The following FREM1 variants were observed in gnomAD, a reference collection of about 807,000 sequenced individuals.
The protein encoded by FREM1 is FRAS1 related extracellular matrix 1, also known as FRAS1-related extracellular matrix protein 1.
In FREM1, 220 loss-of-function variants were observed where a neutral mutation model predicts 210.1. The ratio of observed to expected loss-of-function variants is 1.05; its 90% CI spans 0.94 to 1.17. The LOEUF is 1.17. FREM1 is among the 50% of genes most tolerant of loss of function. The probability of loss-of-function intolerance (pLI) is 0.00; values close to 1 mark genes in which losing one functional copy is unlikely to be tolerated. For missense variants in FREM1, 3,454 were observed against 2,675.5 expected, an observed-to-expected ratio of 1.29 and a Z score of -6.42; for synonymous variants, 1,189 against 980.2, an observed-to-expected ratio of 1.21 and a Z score of -3.98.
intron 22 of FREM1, among the ~76,000 whole-genome samples, chr9:14,789,612 T>C (rs1385925039): frequency 1.3e-5 from 2 of 152,220 alleles, no homozygotes; most frequent in East Asian, 1.9e-4. Context: ...TACTCCCCAG[T>C]ATGTTTCCAG....
At chr9:14,894,281 T>C (rs1217424535) in intron 1 of FREM1, among the ~76,000 whole-genome samples, 1 of 152,276 alleles carries the variant, frequency 6.6e-6, no homozygotes, top group Non-Finnish European at 1.5e-5. Context: ...TTAATGGCTA[T>C]AATTGTTATG....
chr9:14,829,606 T>C (rs1823161426), intron 10 of FREM1, among the ~76,000 whole-genome samples: 1 of 152,140 alleles, frequency 6.6e-6, no homozygotes, highest in African/African-American at 2.4e-5. Context: ...CCACATGATG[T>C]TTTCCTCTGT....
At chr9:14,850,889 C>A (rs1174956339) in intron 6 of FREM1, among the ~76,000 whole-genome samples, 1 of 152,318 alleles carries the variant, frequency 6.6e-6, no homozygotes, top group East Asian at 1.9e-4. Flanking sequence ...TAGCACAATA[C>A]GTTTCACTAC....
At chr9:14,773,290 G>A (rs1434479368) in intron 25 of FREM1, among the ~76,000 whole-genome samples, 4 of 152,186 alleles carry the variant, frequency 2.6e-5, no homozygotes, top group African/African-American at 9.7e-5. Flanking sequence ...GGTTGTGCCT[G>A]CTGGTATCAG....
rs772983223 is a variant in FREM1, at chr9:14,748,467, G to A, written c.5730C>T (p.Thr1910=). ...GATCTGTAGAATCAAAGCCCCGCAGGGTGTCTCCCCTGATGACTGCTAGCT... is the reference window on the plus strand; with the variant it reads ...GATCTGTAGAATCAAAGCCCCGCAGAGTGTCTCCCCTGATGACTGCTAGCT... The part of the protein sequence containing the change: ...SMQLAVIRGD[T]LRGFDSTDLS... The change falls in exon 31 of 37, where the codon ACC becomes ACT. Residue 1910 remains threonine, a synonymous_variant. Transcript: ENST00000380880. 2 of 1,613,790 alleles carry A rather than the reference G, an allele frequency of 1.2e-6. No individual in the cohort carries two copies. Among genetic ancestry groups the A allele is most frequent in the East Asian group, 2.2e-5 (1 of 44,870 alleles).
In FREM1 at chr9:14,746,398, T is replaced by A; in HGVS notation, c.6209A>T (p.Glu2070Val). The change falls in exon 35 of 37, where the codon GAG (glutamate) becomes GTG (valine). Residue 2070 changes from glutamate (E) to valine (V), a missense_variant. Transcript: ENST00000380880. ...AGCCGCATTCCAGGTGCCTTTCTGC[T>A]CTGTGATCAAGATGTGACAGTAGCC... is the stretch of plus-strand genomic sequence containing the variant. Reference protein sequence around the residue: ...HSGYCHILITEQKGTWNAAAQ... With the variant: ...HSGYCHILITVQKGTWNAAAQ... 6.2e-7 allele frequency: 1 copy of A among 1,613,896 alleles called. No homozygotes were observed. Among genetic ancestry groups the A allele is most frequent in the Non-Finnish European group, 8.5e-7 (1 of 1,179,782 alleles).
chr9:14,867,531 C>T (rs892152518), intron 2 of FREM1, among the ~76,000 whole-genome samples: 1 of 152,190 alleles, frequency 6.6e-6, no homozygotes, highest in Non-Finnish European at 1.5e-5. Flanking sequence ...CAAAGTGAGA[C>T]CCTCTTCCAA....
intron 20 of FREM1, among the ~76,000 whole-genome samples, chr9:14,798,898 T>A (rs1158185171): frequency 1.3e-5 from 2 of 150,376 alleles, no homozygotes; most frequent in African/African-American, 4.9e-5. Flanking sequence ...GGTCTCGAAC[T>A]CCTGACCTCA....
Position 14,775,855 on chromosome 9 carries a change from A to G in FREM1, c.4791T>C (p.Asp1597=), listed in dbSNP as rs1032474. 1,408,759 of 1,613,082 alleles carry G rather than the reference A, an allele frequency of 0.87. 615,881 individuals are homozygous for G. The highest frequency in any genetic ancestry group is 0.88 in the Middle Eastern group (5,343 of 6,062). ...QTDCFTFMAT[D]GTNQGFIVNG... ...TCACAATAAAGCCTTGGTTTGTCCC[A>G]TCTGTGGCCATGAAAGTAAAGCAGT... Residue 1597 remains aspartate (D), a synonymous_variant, in exon 25 of 37, where the codon GAT becomes GAC. Transcript: ENST00000380880.
chr9:14,757,256 T>A (rs1041280463), intron 28 of FREM1, among the ~76,000 whole-genome samples: 13 of 151,946 alleles, frequency 8.6e-5, no homozygotes, highest in Admixed American at 8.5e-4. Flanking sequence ...CCCAAACACA[T>A]GTTAAGAAGT....
At chr9:14,860,716 T>C (rs62641076) in intron 3 of FREM1, among the ~76,000 whole-genome samples, 42 of 72,530 alleles carry the variant, frequency 5.8e-4, no homozygotes, top group Middle Eastern at 0.011. Context: ...CACACATATA[T>C]ACACATATAT....
intron 19 of FREM1, among the ~76,000 whole-genome samples, chr9:14,804,684 C>G (rs1818034650): frequency 6.6e-6 from 1 of 152,112 alleles, no homozygotes; most frequent in Non-Finnish European, 1.5e-5. Context: ...AGGCAAGATA[C>G]AAGACAATGG....
chr9:14,850,627 C>G (rs1486844329), intron 6 of FREM1: 6 of 152,132 alleles, frequency 3.9e-5, no homozygotes, highest in Non-Finnish European at 7.3e-5. Context: ...GGCTTACTAC[C>G]TGGGTGATGG....
intron 1 of FREM1, among the ~76,000 whole-genome samples, chr9:14,872,596 C>G (rs1363744756): frequency 6.6e-6 from 1 of 152,020 alleles, no homozygotes; most frequent in African/African-American, 2.4e-5. Context: ...TCTAGATATA[C>G]AATCATGTCA....
At chr9:14,897,321 C>T (rs1361481790) in intron 1 of FREM1, among the ~76,000 whole-genome samples, 2 of 151,956 alleles carry the variant, frequency 1.3e-5, no homozygotes, top group Admixed American at 6.6e-5. Context: ...ACTAAAGTAC[C>T]TCATATTCCA....
chr9:14,884,722 A>G (rs1002064372), intron 1 of FREM1, among the ~76,000 whole-genome samples: 1 of 152,134 alleles, frequency 6.6e-6, no homozygotes, highest in Non-Finnish European at 1.5e-5. Context: ...AAGAAAAAAA[A>G]TGGATCTCAG....
chr9:14,848,336 T>A lies in FREM1; in HGVS notation c.1261+329A>T, dbSNP rs369351817. On this transcript the variant is annotated intron_variant, in intron 7 of 36. Transcript: ENST00000380880. The stretch of plus-strand genomic sequence containing the variant: ...CCTTTCTCCAATCCCTTGGAACAAT[T>A]TGAGTTGGAGATTTCAGTCCCACTA... 1.6e-4 allele frequency among the ~76,000 whole-genome samples: 24 copies of A among 152,298 alleles called. No homozygotes were observed. The East Asian group carries it at 4.4e-3, about 28-fold the overall frequency.
intron 1 of FREM1, among the ~76,000 whole-genome samples, chr9:14,875,697 GC>G (rs1326823863): frequency 1.3e-5 from 2 of 152,172 alleles, no homozygotes; most frequent in African/African-American, 4.8e-5. Flanking sequence ...TCTCCATCCA[GC>G]TTTGTTCCGT....
intron 19 of FREM1, among the ~76,000 whole-genome samples, chr9:14,803,339 T>TCCC (rs1817710329): frequency 3.4e-5 from 1 of 28,998 alleles, no homozygotes; most frequent in African/African-American, 1.1e-4. Context: ...CCTACCCTCC[T>TCCC]CCTTCCTTCC....
Sources: gnomAD v4.1 joint callset for allele counts (sites outside exome capture counted in the v4.1 genomes callset) on GRCh38, gnomAD v4.1.1 for gene constraint, MANE v1.5 for transcripts, NCBI Gene and HGNC (gene_info 2026-07-23, HGNC 2026-07-21) for gene names.